The following DLGAP3 variants were observed in gnomAD, a reference collection of about 807,000 sequenced individuals.
DLGAP3 encodes disks large-associated protein 3.
In DLGAP3, 17 loss-of-function variants were observed where a neutral mutation model predicts 81.2. That is an observed-to-expected ratio of 0.21 (90% CI 0.14 to 0.31). The LOEUF (loss-of-function observed/expected upper bound fraction) is 0.31. Among genes scored for constraint, DLGAP3 ranks in the 10% least tolerant of loss-of-function variants. The pLI, the probability that DLGAP3 is intolerant of heterozygous loss-of-function variation, is 1.00. For synonymous variants in DLGAP3, 577 were observed against 587.4 expected (o/e 0.98, Z 0.26); for missense variants, 1,124 against 1,388.0 (o/e 0.81, Z 3.02).
chr1:34,899,810 C>A, intron 4 of DLGAP3, 69 bp from the exon 5 acceptor site: 1 of 1,473,948 alleles, frequency 6.8e-7, no homozygotes, highest in Non-Finnish European at 9.5e-7. Context: ...GAGATAATAG[C>A]ACTGGGGCCC....
chr1:34,913,941 C>G (rs908502677), intron 1 of DLGAP3, among the ~76,000 whole-genome samples: 12 of 152,112 alleles, frequency 7.9e-5, no homozygotes, highest in Admixed American at 3.3e-4. Context: ...ATCTAGGTCT[C>G]CCCCAGATAT....
intron 1 of DLGAP3, among the ~76,000 whole-genome samples, chr1:34,924,466 G>A (rs1198256234): frequency 6.6e-6 from 1 of 152,196 alleles, no homozygotes; most frequent in Non-Finnish European, 1.5e-5. Context: ...ATATTTCAGT[G>A]TCCCTGTCCC....
chr1:34,920,423 G>C (rs192034869), intron 1 of DLGAP3, among the ~76,000 whole-genome samples: 18 of 152,282 alleles, frequency 1.2e-4, no homozygotes, highest in African/African-American at 2.6e-4. Context: ...CCTGTCATGA[G>C]GTGTTCATGA....
At chr1:34,887,327 C>G (rs981373216) in intron 5 of DLGAP3, among the ~76,000 whole-genome samples, 2 of 152,026 alleles carry the variant, frequency 1.3e-5, no homozygotes, top group African/African-American at 2.4e-5. Flanking sequence ...CTACCCTCCC[C>G]CACTGAGGAA....
At chr1:34,866,439 C>A in intron 11 of DLGAP3, 138 bp from the exon 12 acceptor site, 1 of 703,930 alleles carries the variant, frequency 1.4e-6, no homozygotes, top group Non-Finnish European at 2.3e-6. Context: ...CGCCACGGAT[C>A]CCGTGACCTG....
At chr1:34,912,496 G>A (rs977930740) in intron 1 of DLGAP3, among the ~76,000 whole-genome samples, 13 of 152,164 alleles carry the variant, frequency 8.5e-5, no homozygotes, top group South Asian at 8.3e-4. Flanking sequence ...TGGACATGAC[G>A]ATCCAAACAG....
Position 34,924,511 on chromosome 1 carries a change from G to C in DLGAP3, c.-135+4940C>G, listed in dbSNP as rs528773338. Among the ~76,000 whole-genome samples the C allele has an allele frequency of 3.9e-5, 6 of 152,294 alleles. No individual in the cohort carries two copies. The East Asian group carries it at 1.2e-3, about 29-fold the overall frequency. On this transcript the variant is annotated intron_variant, in intron 1 of 11. Transcript: ENST00000373347. ...AGTATGATGGGCAAGGGAATATCAA[G>C]TTGTCAGTCAAGTTATCCTGAACTC...
At chr1:34,878,212 C>T (rs905230372) in intron 8 of DLGAP3, among the ~76,000 whole-genome samples, 10 of 152,062 alleles carry the variant, frequency 6.6e-5, no homozygotes, top group Non-Finnish European at 1.2e-4. Flanking sequence ...GTAGCTGAGG[C>T]AGAAGAATTA....
intron 1 of DLGAP3, among the ~76,000 whole-genome samples, chr1:34,913,221 G>A (rs934963755): frequency 6.6e-6 from 1 of 152,072 alleles, no homozygotes; most frequent in Non-Finnish European, 1.5e-5. Context: ...TCTTCCTAGG[G>A]GCTTAGGGCA....
At chr1:34,879,087 A>G (rs1044631884) in intron 8 of DLGAP3, among the ~76,000 whole-genome samples, 1 of 151,910 alleles carries the variant, frequency 6.6e-6, no homozygotes, top group African/African-American at 2.4e-5. Flanking sequence ...AAAAAGAAAA[A>G]AAAAAATTCC....
chr1:34,918,517 G>A (rs954828127), intron 1 of DLGAP3, among the ~76,000 whole-genome samples: 3 of 152,228 alleles, frequency 2.0e-5, no homozygotes, highest in Admixed American at 6.5e-5. Flanking sequence ...GGTCCAGCAC[G>A]TGGCTAATAG....
At chr1:34,877,933 G>A (rs937059365) in intron 8 of DLGAP3, among the ~76,000 whole-genome samples, 1 of 152,186 alleles carries the variant, frequency 6.6e-6, no homozygotes, top group Non-Finnish European at 1.5e-5. Context: ...ACAGATGATA[G>A]AAATAAACTC....
chr1:34,869,150 C>A, intron 8 of DLGAP3, 61 bp from the exon 9 acceptor site: 1 of 1,261,936 alleles, frequency 7.9e-7, no homozygotes, highest in South Asian at 1.4e-5. Flanking sequence ...CTCACCCCCA[C>A]CCCAAGCAAA....
At chr1:34,887,485 T>C (rs1342234236) in intron 5 of DLGAP3, among the ~76,000 whole-genome samples, 3 of 151,926 alleles carry the variant, frequency 2.0e-5, no homozygotes, top group Non-Finnish European at 2.9e-5. Flanking sequence ...CACCACCACA[T>C]GAAGACTAAA....
intron 1 of DLGAP3, among the ~76,000 whole-genome samples, chr1:34,918,951 T>A (rs549013594): frequency 6.6e-6 from 1 of 152,278 alleles, no homozygotes; most frequent in African/African-American, 2.4e-5. Flanking sequence ...GCCCCTCCCA[T>A]CCTCGTGTCT....
rs2148390975 is a variant in DLGAP3 at position 34,867,644 on chromosome 1, A to T, written c.2486-17T>A. 2 of 1,598,402 alleles carry T rather than the reference A, an allele frequency of 1.3e-6. No individual in the cohort carries two copies. The highest frequency in any genetic ancestry group is 4.5e-5 in the East Asian group (2 of 44,820). On this transcript the variant is annotated splice_polypyrimidine_tract_variant and intron_variant, in intron 9 of 11. Coordinates refer to ENST00000373347, the MANE Select transcript of DLGAP3 (RefSeq NM_001080418.3). The surrounding 1 kb of genome is among the most constrained non-coding windows in gnomAD (Gnocchi z 4.3). ...TCTCCAGGACTAGAAAGCAGAAGGAAATTCAGGGAGGGAAATGATGCATCT... is the reference window on the plus strand; with the variant it reads ...TCTCCAGGACTAGAAAGCAGAAGGATATTCAGGGAGGGAAATGATGCATCT...
intron 5 of DLGAP3, among the ~76,000 whole-genome samples, chr1:34,898,928 TA>T (rs5773491): frequency 0.25 from 38,353 of 151,992 alleles, 6,689 homozygotes; most frequent in East Asian, 0.91. Flanking sequence ...TAACTGTCCC[TA>T]ACCATTGCCA....
chr1:34,890,507 G>A (rs1418339372), intron 5 of DLGAP3, among the ~76,000 whole-genome samples: 1 of 152,236 alleles, frequency 6.6e-6, no homozygotes, highest in East Asian at 1.9e-4. Context: ...TCACTTCTGA[G>A]ATTAGGTTAC....
In DLGAP3 at chr1:34,867,156, G is replaced by A. The variant is rs760411112; in HGVS notation, c.2613C>T (p.Asp871=). The A allele has an allele frequency of 1.2e-6, 2 of 1,614,214 alleles. No individual in the cohort carries two copies. Among genetic ancestry groups the A allele is most frequent in the Admixed American group, 1.7e-5 (1 of 60,026 alleles). Residue 871 remains aspartate, a synonymous_variant, in exon 11 of 12, where the codon GAC becomes GAT. Transcript: ENST00000373347. This position sits in a 1 kb window ranked among gnomAD's most constrained non-coding sequence, Gnocchi z 4.3. ...PTAFPVPTFQ[D]LAGFWDLLQL... is the part of the protein sequence containing the mutation. The stretch of plus-strand genomic sequence containing the variant: ...GTAGGAGGTCCCAGAAACCCGCCAG[G>A]TCCTGGAAGGTGGGCACAGGGAACG...
Sources: allele counts gnomAD v4.1 joint callset (sites outside exome capture counted in the v4.1 genomes callset), GRCh38; gene constraint gnomAD v4.1.1; non-coding constraint Gnocchi (gnomAD v3.1); transcripts MANE v1.5; gene names NCBI Gene and HGNC (gene_info 2026-07-23, HGNC 2026-07-21).